The following SIPA1L2 variants were observed in gnomAD, a reference collection of about 807,000 sequenced individuals.
SIPA1L2 encodes the protein signal induced proliferation associated 1 like 2.
Under a neutral mutation model 163.9 loss-of-function variants are expected in SIPA1L2, and 56 were observed. The observed-to-expected ratio is 0.34, with a 90% CI of 0.28 to 0.43. SIPA1L2 has a LOEUF of 0.43. Among genes scored for constraint, SIPA1L2 ranks in the 20% least tolerant of loss-of-function variants. The pLI is 1.00. For missense variants in SIPA1L2, 1,974 were observed against 2,193.5 expected, an observed-to-expected ratio of 0.90 and a Z score of 2.00; for synonymous variants, 877 against 865.7, an observed-to-expected ratio of 1.01 and a Z score of -0.23.
chr1:232,569,757 G>A (rs1484331829), intron 2 of SIPA1L2, among the ~76,000 whole-genome samples: 4 of 152,296 alleles, frequency 2.6e-5, no homozygotes, highest in South Asian at 4.1e-4. Flanking sequence ...AGGCTGCAGC[G>A]AGCCAAGATG....
intron 2 of SIPA1L2, among the ~76,000 whole-genome samples, chr1:232,547,546 C>A (rs1300443488): frequency 8.2e-6 from 1 of 121,696 alleles, no homozygotes; most frequent in Non-Finnish European, 1.6e-5. Context: ...CAAAATGTGC[C>A]CTAATGATCA....
chr1:232,614,305 T>C (rs939818029), intron 1 of SIPA1L2, among the ~76,000 whole-genome samples: 2 of 152,150 alleles, frequency 1.3e-5, no homozygotes, highest in African/African-American at 4.8e-5. Flanking sequence ...CTTAGAGGCA[T>C]GTTAATGTAG....
chr1:232,483,102 T>C (rs977580753), intron 6 of SIPA1L2, among the ~76,000 whole-genome samples: 1 of 152,174 alleles, frequency 6.6e-6, no homozygotes, highest in Non-Finnish European at 1.5e-5. Context: ...CATGATTATC[T>C]ATGTGTAGAT....
intron 20 of SIPA1L2, among the ~76,000 whole-genome samples, 162 bp downstream of exon 20, chr1:232,403,963 C>T (rs1660495231): frequency 6.6e-6 from 1 of 152,220 alleles, no homozygotes; most frequent in Non-Finnish European, 1.5e-5. Context: ...AAGTTCTCCC[C>T]AAACCCGGAG....
At chr1:232,490,703 G>C (rs1426166670) in intron 5 of SIPA1L2, 171 bp downstream of exon 5, 1 of 682,390 alleles carries the variant, frequency 1.5e-6, no homozygotes, top group Non-Finnish European at 2.4e-6. Flanking sequence ...TACTATAATG[G>C]CATCATGTTT....
At chr1:232,596,826 CTT>C (rs1481495667) in intron 1 of SIPA1L2, among the ~76,000 whole-genome samples, 2 of 152,162 alleles carry the variant, frequency 1.3e-5, no homozygotes, top group East Asian at 3.9e-4. Context: ...CTCTGGGACT[CTT>C]CCACTCCTGA....
chr1:232,492,674 T>C lies in SIPA1L2; in HGVS notation c.1617+853A>G, dbSNP rs537650046. Among the ~76,000 whole-genome samples the C allele has an allele frequency of 2.0e-5, 3 of 152,354 alleles. No individual in the cohort carries two copies. The South Asian group carries it at 6.2e-4, about 32-fold the overall frequency. Reference sequence around the variant, plus strand: ...GTAGTAATGACTGTCCTGCTGAGTTTTGGACTTGCATGGGGCCTGTAGCCT... The same window carrying C: ...GTAGTAATGACTGTCCTGCTGAGTTCTGGACTTGCATGGGGCCTGTAGCCT... On this transcript the variant is annotated intron_variant, in intron 4 of 22. Transcript: ENST00000674635.
chr1:232,475,957 T>C (rs1665024765), intron 7 of SIPA1L2, among the ~76,000 whole-genome samples: 2 of 152,176 alleles, frequency 1.3e-5, no homozygotes, highest in African/African-American at 4.8e-5. Context: ...TGCTCCTACT[T>C]AGGGTCTGGG....
intron 1 of SIPA1L2, among the ~76,000 whole-genome samples, chr1:232,588,918 A>G (rs1313849427): frequency 6.6e-6 from 1 of 152,216 alleles, no homozygotes; most frequent in Non-Finnish European, 1.5e-5. Context: ...TTTAAATTCA[A>G]TAATGATTTC....
intron 1 of SIPA1L2, among the ~76,000 whole-genome samples, chr1:232,581,565 T>C (rs1660375247): frequency 6.6e-6 from 1 of 152,196 alleles, no homozygotes; most frequent in South Asian, 2.1e-4. Flanking sequence ...TGCCTTTCTT[T>C]TTTTGCTTAA....
chr1:232,613,565 G>A lies in SIPA1L2; in HGVS notation c.-319+16304C>T, dbSNP rs115282241. Among the ~76,000 whole-genome samples the A allele has an allele frequency of 7.9e-4, 121 of 152,204 alleles. 2 individuals are homozygous for A. The highest frequency in any genetic ancestry group is 2.7e-3 in the African/African-American group (114 of 41,510). On this transcript the variant is annotated intron_variant, in intron 1 of 22. Coordinates refer to ENST00000674635, the MANE Select transcript of SIPA1L2 (RefSeq NM_020808.5). The stretch of plus-strand genomic sequence containing the variant: ...CTTCCAGCAATTCTGGAAGTTACTA[G>A]GAATCTAAACACTTAGAAGAATAGA...
At chr1:232,431,387 T>G (rs1292607869) in intron 16 of SIPA1L2, among the ~76,000 whole-genome samples, 1 of 152,182 alleles carries the variant, frequency 6.6e-6, no homozygotes, top group Non-Finnish European at 1.5e-5. Context: ...GAAGGCAATA[T>G]CATATGAGCT....
At chr1:232,495,989 C>T (rs1480304184) in intron 3 of SIPA1L2, among the ~76,000 whole-genome samples, 1 of 152,138 alleles carries the variant, frequency 6.6e-6, no homozygotes, top group Non-Finnish European at 1.5e-5. Context: ...AGAAAAGTTA[C>T]TGTAAGCTAA....
At chr1:232,595,610 T>C (rs960943091) in intron 1 of SIPA1L2, among the ~76,000 whole-genome samples, 1 of 152,144 alleles carries the variant, frequency 6.6e-6, no homozygotes. Flanking sequence ...TCTGCAAAAG[T>C]CATCTTTTGT....
rs754898001 is a variant in SIPA1L2 at position 232,514,452 on chromosome 1, T to A, written c.888A>T (p.Arg296=). ...AAGTTTCGTGCTCACTTTTAACAGT[T>A]CGAAGCTTTCGGAAGAGAGATGTTT... ...SVETSLFRKL[R]TVKSEHETFK... is the part of the protein sequence containing the mutation. The change falls in exon 3 of 23, where the codon CGA becomes CGT. Residue 296 remains arginine (R), a synonymous_variant. Coordinates refer to ENST00000674635, the MANE Select transcript of SIPA1L2 (RefSeq NM_020808.5). 6 of 1,614,102 alleles carry A rather than the reference T, an allele frequency of 3.7e-6. No individual in the cohort carries two copies. The African/African-American group carries it at 6.7e-5, about 18-fold the overall frequency.
At chr1:232,569,775 T>C (rs1659614898) in intron 2 of SIPA1L2, among the ~76,000 whole-genome samples, 1 of 152,220 alleles carries the variant, frequency 6.6e-6, no homozygotes. Flanking sequence ...ATGGCACCGC[T>C]GCACTCTAGC....
chr1:232,443,064 G>A (rs1180642897), intron 12 of SIPA1L2, among the ~76,000 whole-genome samples: 2 of 152,152 alleles, frequency 1.3e-5, no homozygotes, highest in Non-Finnish European at 2.9e-5. Flanking sequence ...CCTCAGGAGC[G>A]CACCCTGGTG....
chr1:232,524,392 G>C (rs1667596125), intron 2 of SIPA1L2, among the ~76,000 whole-genome samples: 1 of 152,178 alleles, frequency 6.6e-6, no homozygotes, highest in South Asian at 2.1e-4. Flanking sequence ...ATGCCGGTGA[G>C]GGTCTGGGGG....
At chr1:232,478,943 C>A (rs1435227610) in intron 7 of SIPA1L2, among the ~76,000 whole-genome samples, 1 of 152,194 alleles carries the variant, frequency 6.6e-6, no homozygotes, top group East Asian at 1.9e-4. Context: ...AAGTGATCCT[C>A]CAAGTCTTCT....
Sources: gnomAD v4.1 joint callset for allele counts (sites outside exome capture counted in the v4.1 genomes callset) on GRCh38, gnomAD v4.1.1 for gene constraint, MANE v1.5 for transcripts, NCBI Gene and HGNC (gene_info 2026-07-23, HGNC 2026-07-21) for gene names.